PDE10A: variants seen among roughly 807,000 people sequenced by gnomAD.
PDE10A encodes the protein phosphodiesterase 10A, also known as cAMP and cAMP-inhibited cGMP 3',5'-cyclic phosphodiesterase 10A.
Under a neutral mutation model 97.7 loss-of-function variants are expected in PDE10A, and 39 were observed. The observed-to-expected ratio is 0.40, with a 90% CI of 0.31 to 0.52. The LOEUF (loss-of-function observed/expected upper bound fraction) is 0.52, where lower values mean the gene tolerates loss of function less well. Ranked by LOEUF, PDE10A falls within the 20% of genes least tolerant of loss-of-function variation. The pLI, the probability that PDE10A is intolerant of heterozygous loss-of-function variation, is 0.56. For missense variants in PDE10A, 731 were observed against 1,047.8 expected (o/e 0.70, Z 4.17); for synonymous variants, 371 against 376.8 (o/e 0.98, Z 0.18).
chr6:165,660,826 C>G (rs1212530372), intron 1 of PDE10A: 1 of 152,168 alleles, frequency 6.6e-6, no homozygotes, highest in Non-Finnish European at 1.5e-5. Context: ...GGCTCCGGAG[C>G]CGCGCTCTGG....
chr6:165,742,068 G>A (rs937504394), intron 1 of PDE10A, among the ~76,000 whole-genome samples: 5 of 152,186 alleles, frequency 3.3e-5, no homozygotes, highest in South Asian at 2.1e-4. Flanking sequence ...TATCAAATGC[G>A]TAAGTACTCT....
chr6:165,549,749 A>G (rs953934651), intron 1 of PDE10A, among the ~76,000 whole-genome samples: 5 of 150,946 alleles, frequency 3.3e-5, no homozygotes, highest in African/African-American at 9.9e-5. Flanking sequence ...TATTATCCTA[A>G]TAAGCCAAAG....
intron 1 of PDE10A, among the ~76,000 whole-genome samples, chr6:165,583,863 T>C (rs1785755140): frequency 6.6e-6 from 1 of 152,146 alleles, no homozygotes; most frequent in Admixed American, 6.5e-5. Flanking sequence ...CCTGGTGATT[T>C]ACTACTAAAA....
intron 13 of PDE10A, among the ~76,000 whole-genome samples, chr6:165,406,863 C>T (rs1420885041): frequency 6.6e-6 from 1 of 152,148 alleles, no homozygotes; most frequent in Non-Finnish European, 1.5e-5. Context: ...CTACCCTGTC[C>T]TTGAACATCA....
intron 2 of PDE10A, among the ~76,000 whole-genome samples, chr6:165,509,348 C>T (rs1447270594): frequency 2.6e-5 from 4 of 151,984 alleles, no homozygotes; most frequent in Admixed American, 2.0e-4. Flanking sequence ...TGTCCTTTCC[C>T]CAACGTATGT....
At chr6:165,476,406 A>G (rs951887310) in intron 3 of PDE10A, among the ~76,000 whole-genome samples, 1 of 152,182 alleles carries the variant, frequency 6.6e-6, no homozygotes, top group African/African-American at 2.4e-5. Flanking sequence ...ATTTTAAAAG[A>G]GTCATTATGA....
intron 1 of PDE10A, among the ~76,000 whole-genome samples, chr6:165,789,694 C>T (rs1325462201): frequency 2.0e-5 from 3 of 152,230 alleles, no homozygotes; most frequent in African/African-American, 4.8e-5. Flanking sequence ...TAACAAACGC[C>T]GTGCGGTCAC....
intron 1 of PDE10A, among the ~76,000 whole-genome samples, chr6:165,976,702 CA>C (rs1343073244): frequency 1.3e-5 from 2 of 152,202 alleles, no homozygotes; most frequent in African/African-American, 4.8e-5. Context: ...CTGAATCACT[CA>C]AGAATTTGGT....
chr6:165,638,843 C>A (rs1412448219), intron 1 of PDE10A, among the ~76,000 whole-genome samples: 1 of 152,140 alleles, frequency 6.6e-6, no homozygotes, highest in Non-Finnish European at 1.5e-5. Flanking sequence ...AAACTAGAGT[C>A]TTTAAGAACC....
intron 1 of PDE10A, among the ~76,000 whole-genome samples, chr6:165,962,323 A>T (rs940414647): frequency 1.3e-5 from 2 of 152,198 alleles, no homozygotes; most frequent in African/African-American, 2.4e-5. Context: ...AGTGGGTGGG[A>T]ATGAGGATGG....
intron 1 of PDE10A, among the ~76,000 whole-genome samples, chr6:165,877,544 C>CAT (rs1267451636): frequency 2.6e-5 from 4 of 152,058 alleles, no homozygotes; most frequent in African/African-American, 7.2e-5. Flanking sequence ...TATAGATACA[C>CAT]ATATATATAC....
intron 1 of PDE10A, among the ~76,000 whole-genome samples, chr6:165,905,644 A>G (rs899159058): frequency 1.3e-5 from 2 of 152,002 alleles, no homozygotes; most frequent in African/African-American, 4.8e-5. Flanking sequence ...TTCTCTAATT[A>G]TCTGCAGTAA....
At chr6:165,442,826 G>C (rs1037644666) in intron 5 of PDE10A, among the ~76,000 whole-genome samples, 1 of 152,090 alleles carries the variant, frequency 6.6e-6, no homozygotes, top group Admixed American at 6.5e-5. Flanking sequence ...TAACTTGAAA[G>C]TCCAAGTCTA....
At chr6:165,377,525 A>T (rs1218508942) in intron 18 of PDE10A, among the ~76,000 whole-genome samples, 2 of 152,194 alleles carry the variant, frequency 1.3e-5, no homozygotes, top group African/African-American at 2.4e-5. Flanking sequence ...GGGTACCAAA[A>T]GTGTTGTTAT....
chr6:165,973,674 G>A (rs1784764662), intron 1 of PDE10A, among the ~76,000 whole-genome samples: 1 of 152,242 alleles, frequency 6.6e-6, no homozygotes, highest in African/African-American at 2.4e-5. Context: ...CAGATGAGAA[G>A]CACCGCCGCG....
chr6:165,448,763 T>C (rs978039361), intron 5 of PDE10A, among the ~76,000 whole-genome samples, 165 bp downstream of exon 5: 25 of 152,002 alleles, frequency 1.6e-4, no homozygotes, highest in Non-Finnish European at 2.6e-4. Context: ...AATGTTGCCA[T>C]GTCAGTAAAA....
At chr6:165,961,395 T>C (rs895660668) in intron 1 of PDE10A, among the ~76,000 whole-genome samples, 1 of 152,128 alleles carries the variant, frequency 6.6e-6, no homozygotes, top group African/African-American at 2.4e-5. Context: ...GAAGCCAGGA[T>C]GAAATGCGAT....
intron 1 of PDE10A, among the ~76,000 whole-genome samples, chr6:165,918,730 G>A (rs1782672973): frequency 6.6e-6 from 1 of 151,980 alleles, no homozygotes; most frequent in South Asian, 2.1e-4. Flanking sequence ...AATTGCCCAA[G>A]TGGACCTCAT....
intron 2 of PDE10A, 90 bp downstream of exon 2, chr6:165,543,350 T>C: frequency 7.8e-6 from 8 of 1,024,304 alleles, no homozygotes; most frequent in Non-Finnish European, 1.1e-5. Context: ...GTCTACTTTA[T>C]ATTTCACACT....
Sources: allele counts gnomAD v4.1 joint callset (sites outside exome capture counted in the v4.1 genomes callset), GRCh38; gene constraint gnomAD v4.1.1; transcripts MANE v1.5; gene names NCBI Gene and HGNC (gene_info 2026-07-23, HGNC 2026-07-21).